Variants in DNAH3 observed in about 807,000 individuals in gnomAD.
The protein encoded by DNAH3 is axonemal beta dynein heavy chain 3.
Under a neutral mutation model 432.5 loss-of-function variants are expected in DNAH3, and 332 were observed. The ratio of observed to expected loss-of-function variants is 0.77; its 90% CI spans 0.70 to 0.84. The LOEUF (loss-of-function observed/expected upper bound fraction) is 0.84. DNAH3 is among the 40% of genes least tolerant of loss of function. DNAH3 has a pLI of 0.00. For missense variants in DNAH3, 4,861 were observed against 5,114.0 expected (o/e 0.95, Z 1.51); for synonymous variants, 1,956 against 1,900.2 (o/e 1.03, Z -0.76).
intron 20 of DNAH3, among the ~76,000 whole-genome samples, chr16:21,077,036 G>C (rs144396990): frequency 6.6e-6 from 1 of 152,150 alleles, no homozygotes; most frequent in East Asian, 1.9e-4. Context: ...AATGTCTCCA[G>C]ATATTTCCAA....
At chr16:20,991,941 T>G (rs2086576680) in intron 44 of DNAH3, among the ~76,000 whole-genome samples, 2 of 152,244 alleles carry the variant, frequency 1.3e-5, no homozygotes, top group Non-Finnish European at 2.9e-5. Flanking sequence ...CTGAGTCACT[T>G]CTTTTTCATC....
chr16:20,937,598 G>T (rs1436613136), intron 59 of DNAH3, among the ~76,000 whole-genome samples: 5 of 134,178 alleles, frequency 3.7e-5, no homozygotes, highest in Non-Finnish European at 6.3e-5. Flanking sequence ...GTGGAGTCAT[G>T]GCTCACTGCA....
At chr16:20,951,578 G>C (rs568810235) in intron 56 of DNAH3, among the ~76,000 whole-genome samples, 8 of 151,762 alleles carry the variant, frequency 5.3e-5, no homozygotes, top group African/African-American at 1.9e-4. Context: ...TGAGTAGCTA[G>C]GACTACAGGC....
chr16:20,941,067 T>C (rs1487498271), intron 59 of DNAH3, among the ~76,000 whole-genome samples: 3 of 152,260 alleles, frequency 2.0e-5, no homozygotes, highest in Non-Finnish European at 4.4e-5. Flanking sequence ...ACCACTGCAC[T>C]CCAACTTGAG....
intron 56 of DNAH3, 43 bp downstream of exon 56, chr16:20,952,390 T>C (rs2084355990): frequency 8.3e-7 from 1 of 1,210,682 alleles, no homozygotes; most frequent in African/African-American, 1.5e-5. Flanking sequence ...GGGTGGAACA[T>C]GATACTGGAG....
exon 53 of DNAH3, chr16:20,964,416 C>G: frequency 6.2e-7 from 1 of 1,614,162 alleles, no homozygotes. Context: ...TTTCACCCAG[C>G]CTCATGTACT....
At chr16:20,975,462 G>C in intron 50 of DNAH3, 47 bp from the exon 51 acceptor site, 1 of 1,562,202 alleles carries the variant, frequency 6.4e-7, no homozygotes, top group Non-Finnish European at 8.7e-7. Context: ...CACTGAAAAT[G>C]GCAAAGTAGA....
At chr16:21,067,710 G>A (rs955168605) in intron 23 of DNAH3, among the ~76,000 whole-genome samples, 2 of 142,930 alleles carry the variant, frequency 1.4e-5, no homozygotes, top group African/African-American at 2.6e-5. Context: ...TGGGCTGAGT[G>A]AGAATTATGT....
chr16:20,968,703 G>A (rs951517494), intron 52 of DNAH3, among the ~76,000 whole-genome samples: 1 of 150,444 alleles, frequency 6.6e-6, no homozygotes, highest in African/African-American at 2.5e-5. Flanking sequence ...CCTCTCCATT[G>A]CCGTCTCTGC....
chr16:21,031,200 G>C (rs772929309), exon 37 of DNAH3: 2 of 1,614,126 alleles, frequency 1.2e-6, no homozygotes, highest in Admixed American at 1.7e-5. Context: ...TGGCTCACTT[G>C]GTCAAAGCAC....
chr16:20,989,716 G>A (rs1192062203), intron 44 of DNAH3, among the ~76,000 whole-genome samples: 1 of 152,230 alleles, frequency 6.6e-6, no homozygotes, highest in Non-Finnish European at 1.5e-5. Context: ...GGGGAGGCTT[G>A]GGCCGCACAG....
At chr16:21,037,050 T>G (rs2089206317) in intron 34 of DNAH3, among the ~76,000 whole-genome samples, 2 of 152,248 alleles carry the variant, frequency 1.3e-5, no homozygotes, top group Non-Finnish European at 2.9e-5. Context: ...AGAATCCCTG[T>G]GTAATCCCTG....
chr16:21,063,699 C>T (rs1204816055), intron 24 of DNAH3, among the ~76,000 whole-genome samples: 2 of 151,920 alleles, frequency 1.3e-5, no homozygotes, highest in Non-Finnish European at 2.9e-5. Flanking sequence ...CATGCCACCA[C>T]GCACGGCTAA....
chr16:21,036,572 G>GC, intron 35 of DNAH3, 142 bp downstream of exon 35: 2 of 772,616 alleles, frequency 2.6e-6, no homozygotes, highest in Non-Finnish European at 4.2e-6. Flanking sequence ...AGGCCATTAC[G>GC]CCCAGCTAAT....
intron 49 of DNAH3, among the ~76,000 whole-genome samples, chr16:20,982,075 A>C (rs1337061453): frequency 6.6e-6 from 1 of 150,448 alleles, no homozygotes; most frequent in Non-Finnish European, 1.5e-5. Context: ...AAAAGAGTAA[A>C]TTTTCACCCT....
chr16:21,020,521 GC>G (rs1352916767), intron 40 of DNAH3, among the ~76,000 whole-genome samples: 2 of 145,048 alleles, frequency 1.4e-5, no homozygotes, highest in East Asian at 4.1e-4. Flanking sequence ...TCCTGCCTCA[GC>G]CTCCCAAGTA....
exon 32 of DNAH3, chr16:21,042,160 T>G: frequency 6.2e-7 from 1 of 1,612,452 alleles, no homozygotes; most frequent in Non-Finnish European, 8.5e-7. Flanking sequence ...GATGGCTTGT[T>G]GGATGCTGAG....
chr16:21,006,172 T>TATAC (rs1443777279), intron 41 of DNAH3, among the ~76,000 whole-genome samples: 4 of 152,204 alleles, frequency 2.6e-5, no homozygotes, highest in Admixed American at 2.6e-4. Flanking sequence ...CAAACCTTAT[T>TATAC]TCTAAGCAAT....
exon 21 of DNAH3, chr16:21,075,524 A>G (rs1369114954): frequency 3.7e-6 from 6 of 1,614,114 alleles, no homozygotes; most frequent in Non-Finnish European, 4.2e-6. Flanking sequence ...TTCTCCAGAG[A>G]GTATTCCTTG....
Sources: allele counts gnomAD v4.1 joint callset (sites outside exome capture counted in the v4.1 genomes callset), GRCh38; gene constraint gnomAD v4.1.1; transcripts MANE v1.5; gene names NCBI Gene and HGNC (gene_info 2026-07-23, HGNC 2026-07-21).